HBS1L: variants seen among roughly 807,000 people sequenced by gnomAD.
HBS1L encodes the protein HBS1-like protein.
In HBS1L, 55 loss-of-function variants were observed where a neutral mutation model predicts 88.9. That is an observed-to-expected ratio of 0.62 (90% CI 0.50 to 0.77). The LOEUF (loss-of-function observed/expected upper bound fraction) is 0.77. Among genes scored for constraint, HBS1L ranks in the 30% least tolerant of loss-of-function variants. HBS1L has a pLI of 0.00. For missense variants in HBS1L, 741 were observed against 829.3 expected (o/e 0.89, Z 1.31); for synonymous variants, 267 against 288.5 (o/e 0.93, Z 0.76).
chr6:134,984,358 A>G (rs959930911), intron 12 of HBS1L, among the ~76,000 whole-genome samples: 2 of 152,202 alleles, frequency 1.3e-5, no homozygotes, highest in South Asian at 2.1e-4. Context: ...GCAGATATAG[A>G]TAAAGAAGAG....
At chr6:134,997,767 A>T in intron 5 of HBS1L, 111 bp from the exon 6 acceptor site, 2 of 1,010,798 alleles carry the variant, frequency 2.0e-6, no homozygotes, top group Non-Finnish European at 3.0e-6. Flanking sequence ...TCCAGACCAG[A>T]AATAATCTCT....
intron 4 of HBS1L, among the ~76,000 whole-genome samples, chr6:135,032,580 C>T (rs1776419734): frequency 6.6e-6 from 1 of 152,084 alleles, no homozygotes; most frequent in Non-Finnish European, 1.5e-5. Context: ...CATGTTGATA[C>T]ACAGTACTTT....
chr6:134,990,019 C>T (rs1175740960), intron 8 of HBS1L, among the ~76,000 whole-genome samples: 1 of 152,132 alleles, frequency 6.6e-6, no homozygotes, highest in East Asian at 1.9e-4. Context: ...CCAGAACTTC[C>T]AAGTCCTAGG....
chr6:135,052,906 CT>C (rs1777132478), intron 1 of HBS1L, among the ~76,000 whole-genome samples: 1 of 152,144 alleles, frequency 6.6e-6, no homozygotes, highest in South Asian at 2.1e-4. Flanking sequence ...CACAAACTCT[CT>C]CTAATGAGGT....
chr6:135,022,971 T>C (rs1279691121), intron 4 of HBS1L, among the ~76,000 whole-genome samples: 1 of 150,864 alleles, frequency 6.6e-6, no homozygotes, highest in Non-Finnish European at 1.5e-5. Context: ...CAAATGTTAC[T>C]ATGTTTCCCA....
rs746086273 is a variant in HBS1L, at chr6:134,996,852, T to C, written c.890A>G (p.Gln297Arg). The C allele has an allele frequency of 1.2e-6, 2 of 1,612,370 alleles. No homozygotes were observed. The highest frequency in any genetic ancestry group is 1.7e-5 in the Admixed American group (1 of 59,636). Residue 297 changes from glutamine to arginine, a missense_variant, in exon 7 of 18, where the codon CAG (glutamine) becomes CGG (arginine). Around this residue, in one of 3 missense-constraint regions of HBS1L, gnomAD observed 556 missense variants for 598.4 expected, o/e 0.93. Transcript: ENST00000367837. The stretch of plus-strand genomic sequence containing the variant: ...AGCTTTGCCAGCCTTTTTAGACTCC[T>C]GTTCATACTTATGCATAGTTCTTTT... ...INKRTMHKYE[Q>R]ESKKAGKASF...
At chr6:135,001,607 G>A (rs936877570) in intron 5 of HBS1L, among the ~76,000 whole-genome samples, 6 of 152,156 alleles carry the variant, frequency 3.9e-5, no homozygotes, top group Admixed American at 1.3e-4. Context: ...AGGCATACAC[G>A]AAGCTTTTTG....
At position 135,045,234 on chromosome 6, in the gene HBS1L, G is replaced by C. The variant is rs561731020; in HGVS notation, c.110-3108C>G. The stretch of plus-strand genomic sequence containing the variant: ...CAACAAATACAACAAATAAAGGAGT[G>C]AGAGAAAGTAATGATGAGAAAATGG... On this transcript the variant is annotated intron_variant, in intron 2 of 17. Transcript: ENST00000367837. Among the ~76,000 whole-genome samples the C allele has an allele frequency of 2.6e-5, 4 of 152,242 alleles. No homozygotes were observed. The East Asian group carries it at 5.8e-4, about 22-fold the overall frequency.
chr6:135,035,667 C>T (rs914357524), intron 4 of HBS1L, among the ~76,000 whole-genome samples: 3 of 143,836 alleles, frequency 2.1e-5, no homozygotes, highest in Non-Finnish European at 3.0e-5. Flanking sequence ...AGGAGAATGG[C>T]GTGAACCTGG....
intron 7 of HBS1L, 130 bp from the exon 8 acceptor site, chr6:134,994,005 G>T: frequency 2.4e-6 from 1 of 420,812 alleles, no homozygotes. Flanking sequence ...TATTATTTTT[G>T]AATAATTAAA....
intron 4 of HBS1L, among the ~76,000 whole-genome samples, chr6:135,031,016 G>A (rs953865371): frequency 7.9e-5 from 12 of 151,986 alleles, no homozygotes; most frequent in African/African-American, 1.4e-4. Context: ...ACTTAGTGTC[G>A]CATTTTTTCC....
chr6:135,032,827 T>C (rs190902712), intron 4 of HBS1L, among the ~76,000 whole-genome samples: 5 of 151,560 alleles, frequency 3.3e-5, no homozygotes, highest in Admixed American at 1.3e-4. Context: ...ACACTGACTA[T>C]AGTTATTAAT....
At chr6:135,037,081 G>C (rs1261488831) in intron 4 of HBS1L, 1 of 1,551,460 alleles carries the variant, frequency 6.4e-7, no homozygotes, top group Non-Finnish European at 8.7e-7. Context: ...AATTGTTTCT[G>C]CAATCAATTC....
rs533587879 is a variant in HBS1L, at chr6:135,011,649, A to G, written c.431-8807T>C. Among the ~76,000 whole-genome samples, 5 of 152,298 alleles carry G rather than the reference A, an allele frequency of 3.3e-5. No homozygotes were observed. In the East Asian group the frequency reaches 9.6e-4, roughly 29 times the overall value. On this transcript the variant is annotated intron_variant, in intron 4 of 17. Transcript: ENST00000367837. ...GCTGGGCGCGGTGGCTCACACCTGTAATCCTAGAATTTTGGAAGGCCAAGG... is the reference window on the plus strand; with the variant it reads ...GCTGGGCGCGGTGGCTCACACCTGTGATCCTAGAATTTTGGAAGGCCAAGG...
At chr6:134,977,679 T>C (rs1466385309) in intron 15 of HBS1L, among the ~76,000 whole-genome samples, 1 of 151,966 alleles carries the variant, frequency 6.6e-6, no homozygotes, top group Admixed American at 6.6e-5. Flanking sequence ...AATAAATGTA[T>C]TGCCAACCTC....
intron 4 of HBS1L, among the ~76,000 whole-genome samples, chr6:135,003,907 G>A (rs1451051962): frequency 2.6e-5 from 4 of 152,040 alleles, no homozygotes; most frequent in African/African-American, 9.7e-5. Flanking sequence ...TAAAAATGGA[G>A]GGATGGAGGA....
intron 4 of HBS1L, chr6:135,036,732 G>C: frequency 1.3e-6 from 2 of 1,551,232 alleles, no homozygotes; most frequent in Non-Finnish European, 1.7e-6. Context: ...GTCGCTTGCA[G>C]CTTTTCAGTG....
At chr6:134,978,341 T>G (rs1282720091) in intron 15 of HBS1L, among the ~76,000 whole-genome samples, 1 of 151,900 alleles carries the variant, frequency 6.6e-6, no homozygotes, top group African/African-American at 2.4e-5. Flanking sequence ...CTAAAAAACT[T>G]AGAAGTAACT....
intron 15 of HBS1L, among the ~76,000 whole-genome samples, chr6:134,973,899 C>T (rs1774566781): frequency 6.6e-6 from 1 of 151,540 alleles, no homozygotes; most frequent in Non-Finnish European, 1.5e-5. Flanking sequence ...CTTAATGCCA[C>T]TGATTGTACA....
Sources: gnomAD v4.1 joint callset for allele counts (sites outside exome capture counted in the v4.1 genomes callset) on GRCh38, gnomAD v4.1.1 for gene constraint, gnomAD v4.1.1 regional missense constraint, MANE v1.5 for transcripts, NCBI Gene and HGNC (gene_info 2026-07-23, HGNC 2026-07-21) for gene names.